MED13: variants seen among roughly 807,000 people sequenced by gnomAD.
MED13 encodes the protein mediator of RNA polymerase II transcription subunit 13.
MED13 carries 23 observed loss-of-function variants against 225.2 expected under a neutral mutation model. That is an observed-to-expected ratio of 0.10 (90% CI 0.07 to 0.14). MED13 has a LOEUF of 0.14. MED13 is among the 10% of genes least tolerant of loss of function. The pLI is 1.00. For missense variants in MED13, 2,197 were observed against 2,594.5 expected (o/e 0.85, Z 3.33); for synonymous variants, 942 against 889.2 (o/e 1.06, Z -1.06).
intron 9 of MED13, among the ~76,000 whole-genome samples, chr17:62,001,309 C>CTA (rs1292404115): frequency 1.3e-5 from 2 of 152,170 alleles, no homozygotes; most frequent in African/African-American, 4.8e-5. Context: ...TCCACAGCAT[C>CTA]TATAACATTC....
chr17:61,955,854 GTA>G lies in MED13; in HGVS notation c.5624-18_5624-17del. On this transcript the variant is annotated splice_polypyrimidine_tract_variant and intron_variant, in intron 24 of 29. Transcript: ENST00000397786. ...CAGCTCCAATCTGTGGGTATCAACA[GTA>G]AAAAAAAAAAAAAAAAAAAAAAAAA... 3 of 254,466 alleles carry G rather than the reference GTA, an allele frequency of 1.2e-5. No homozygotes were observed. Among genetic ancestry groups the G allele is most frequent in the South Asian group, 1.7e-4 (1 of 6,014 alleles). The allele number at this position is 254,466 out of a possible 1,614,324, so 15.8% of individuals were successfully genotyped here. A position where few individuals can be genotyped will look rare whatever the true frequency, so the allele number is the denominator to read the frequency against.
At chr17:62,021,907 C>T (rs1475421972) in intron 8 of MED13, among the ~76,000 whole-genome samples, 1 of 152,070 alleles carries the variant, frequency 6.6e-6, no homozygotes, top group Admixed American at 6.6e-5. Context: ...TGGCTCACGT[C>T]TGTAATTCCT....
At chr17:61,977,372 T>C (rs2084840074) in intron 16 of MED13, among the ~76,000 whole-genome samples, 1 of 152,256 alleles carries the variant, frequency 6.6e-6, no homozygotes, top group African/African-American at 2.4e-5. Flanking sequence ...CCAAGGGCTC[T>C]AATGCAGGAG....
chr17:61,981,033 T>G (rs1428350746), intron 16 of MED13, among the ~76,000 whole-genome samples: 2 of 146,238 alleles, frequency 1.4e-5, no homozygotes, highest in Admixed American at 6.9e-5. Flanking sequence ...CATTTTTTTT[T>G]TCTTTTAGAT....
chr17:62,018,886 T>G (rs2080609726), intron 8 of MED13, among the ~76,000 whole-genome samples: 1 of 152,198 alleles, frequency 6.6e-6, no homozygotes, highest in Non-Finnish European at 1.5e-5. Context: ...GTGCCAACAT[T>G]CAGATCTATA....
intron 16 of MED13, among the ~76,000 whole-genome samples, chr17:61,979,959 C>T (rs944020796): frequency 1.3e-5 from 2 of 152,128 alleles, no homozygotes; most frequent in Non-Finnish European, 2.9e-5. Context: ...GAGGCCGAGG[C>T]AGGTGGATTG....
rs1279876714 is a variant in MED13, at chr17:61,984,266, G to C, written c.2793C>G (p.Ile931Met). ...KTLPSQYLPP[I>M]KLPEECIYRQ... is the part of the protein sequence containing the mutation. ...GGTAAATACACTCTTCTGGCAATTT[G>C]ATAGGGGGCAGATATTGGCTTGGTA... Residue 931 changes from isoleucine to methionine, a missense_variant, in exon 15 of 30, where the codon ATC becomes ATG. Ile to Met is a conservative substitution (Grantham distance 10). Around this residue, in one of 12 missense-constraint regions of MED13, gnomAD observed 160 missense variants for 184.8 expected, o/e 0.87. Transcript: ENST00000397786. The C allele has an allele frequency of 1.2e-6, 2 of 1,611,944 alleles. No individual in the cohort carries two copies. The highest frequency in any genetic ancestry group is 1.3e-5 in the African/African-American group (1 of 74,744).
chr17:61,975,131 C>A (rs1053715717), intron 16 of MED13, among the ~76,000 whole-genome samples: 1 of 151,058 alleles, frequency 6.6e-6, no homozygotes. Flanking sequence ...TAGCAAGACC[C>A]CGTATCTTAA....
At chr17:62,021,422 C>G in intron 8 of MED13, among the ~76,000 whole-genome samples, 1 of 145,726 alleles carries the variant, frequency 6.9e-6, no homozygotes, top group Non-Finnish European at 1.5e-5. Flanking sequence ...AGGGGGCTGA[C>G]CCCCCCACCT....
intron 9 of MED13, among the ~76,000 whole-genome samples, chr17:62,000,593 T>C (rs907034025): frequency 6.6e-6 from 1 of 152,246 alleles, no homozygotes; most frequent in African/African-American, 2.4e-5. Flanking sequence ...TATGCCAGCA[T>C]ATATGTATGC....
At chr17:62,009,158 G>C (rs770099498) in intron 9 of MED13, among the ~76,000 whole-genome samples, 8 of 152,062 alleles carry the variant, frequency 5.3e-5, no homozygotes, top group Non-Finnish European at 7.4e-5. Context: ...GTATTTTACT[G>C]GTTGATTTTC....
chr17:62,007,552 A>C (rs1245583682), intron 9 of MED13: 1 of 152,028 alleles, frequency 6.6e-6, no homozygotes, highest in East Asian at 1.9e-4. Context: ...AGGCCTTCAA[A>C]CTGAGTTAGA....
intron 9 of MED13, chr17:62,005,380 C>CT (rs2143562150): frequency 1.3e-5 from 2 of 152,182 alleles, no homozygotes; most frequent in Non-Finnish European, 2.9e-5. Context: ...CTGACACAGA[C>CT]TGATCACTTG....
rs1022210980 is a variant in MED13, at chr17:62,037,260, A to G, written c.471-1652T>C. Among the ~76,000 whole-genome samples, 11 of 152,170 alleles carry G rather than the reference A, an allele frequency of 7.2e-5. No individual in the cohort carries two copies. In the East Asian group the frequency reaches 1.7e-3, roughly 24 times the overall value. On this transcript the variant is annotated intron_variant, in intron 3 of 29. Coordinates refer to ENST00000397786, the MANE Select transcript of MED13 (RefSeq NM_005121.3). ...AGAGTAAGACTGTCTCAAAAAACAT[A>G]TAAGTAAATAAAAATAAAATAAAAT...
At chr17:62,042,444 C>T (rs150136473) in intron 3 of MED13, among the ~76,000 whole-genome samples, 6,533 of 151,748 alleles carry the variant, frequency 0.043, 198 homozygotes, top group South Asian at 0.069. Context: ...CGCCTGTAGT[C>T]CCAGCTACTC....
At chr17:62,052,748 A>C in intron 2 of MED13, 43 bp from the exon 3 acceptor site, 1 of 1,450,012 alleles carries the variant, frequency 6.9e-7, no homozygotes, top group Non-Finnish European at 9.3e-7. Flanking sequence ...TGACACTATA[A>C]TCTATTCAGA....
Position 61,995,169 on chromosome 17 carries a change from C to A in MED13, c.2164G>T (p.Ala722Ser). The A allele has an allele frequency of 6.2e-7, 1 of 1,609,922 alleles. No individual in the cohort carries two copies. The highest frequency in any genetic ancestry group is 1.3e-5 in the African/African-American group (1 of 74,654). The change falls in exon 10 of 30, where the codon GCT becomes TCT. Residue 722 changes from alanine (A) to serine (S), a missense_variant. Ala to Ser is a moderately conservative substitution (Grantham distance 99). Transcript: ENST00000397786. ...KKDRQNSERE[A>S]GKKHKVEDGT... Reference sequence around the variant, plus strand: ...TCTCTTACCTTGTGTTTTTTTCCAGCTTCTCTCTCACTATTTTGTCTATCT... The same window carrying A: ...TCTCTTACCTTGTGTTTTTTTCCAGATTCTCTCTCACTATTTTGTCTATCT...
intron 18 of MED13, 58 bp from the exon 19 acceptor site, chr17:61,966,709 CATT>C: frequency 8.9e-7 from 1 of 1,118,604 alleles, no homozygotes; most frequent in East Asian, 2.8e-5. Context: ...TTTAGATACA[CATT>C]ATAAAACCAA....
chr17:62,020,680 GCTTT>G (rs1231171302), intron 8 of MED13, among the ~76,000 whole-genome samples: 15 of 130,246 alleles, frequency 1.2e-4, no homozygotes, highest in African/African-American at 1.4e-4. Flanking sequence ...CACCTGGCCT[GCTTT>G]CTTTTTTTTT....
Sources: allele counts gnomAD v4.1 joint callset (sites outside exome capture counted in the v4.1 genomes callset), GRCh38; gene constraint gnomAD v4.1.1; regional missense constraint gnomAD v4.1.1; transcripts MANE v1.5; gene names NCBI Gene and HGNC (gene_info 2026-07-23, HGNC 2026-07-21).